The following ABCA12 variants were observed in gnomAD, a reference collection of about 807,000 sequenced individuals.
ABCA12 encodes ATP binding cassette subfamily A member 12.
A neutral mutation model predicts 293.5 loss-of-function variants in ABCA12; 156 were observed. The observed-to-expected ratio is 0.53, with a 90% CI of 0.47 to 0.61. ABCA12 has a LOEUF of 0.61. ABCA12 is among the 20% of genes least tolerant of loss of function. The pLI is 0.00. For synonymous variants in ABCA12, 1,063 were observed against 1,108.0 expected, an observed-to-expected ratio of 0.96 and a Z score of 0.81; for missense variants, 2,797 against 3,090.2, an observed-to-expected ratio of 0.91 and a Z score of 2.25.
intron 31 of ABCA12, among the ~76,000 whole-genome samples, chr2:214,980,042 T>C (rs1215117961): frequency 1.3e-5 from 2 of 152,210 alleles, no homozygotes; most frequent in Admixed American, 6.5e-5. Flanking sequence ...TGTGAACCCA[T>C]GACTTCATAT....
intron 22 of ABCA12, among the ~76,000 whole-genome samples, chr2:214,998,947 T>C (rs1700088648): frequency 6.6e-6 from 1 of 152,172 alleles, no homozygotes; most frequent in Non-Finnish European, 1.5e-5. Flanking sequence ...CCTTTTTTAA[T>C]CTACAAGACT....
chr2:215,034,680 C>T (rs1391614424), intron 8 of ABCA12, among the ~76,000 whole-genome samples: 1 of 152,192 alleles, frequency 6.6e-6, no homozygotes, highest in Non-Finnish European at 1.5e-5. Flanking sequence ...TGGCCACTTA[C>T]TGGATGAGTA....
intron 1 of ABCA12, among the ~76,000 whole-genome samples, chr2:215,114,094 C>A (rs771074265): frequency 7.9e-5 from 12 of 152,168 alleles, no homozygotes; most frequent in Non-Finnish European, 1.0e-4. Context: ...CCTGCCTCAG[C>A]CTCCAGAGTA....
At chr2:215,101,264 T>G (rs567080502) in intron 2 of ABCA12, among the ~76,000 whole-genome samples, 2 of 152,312 alleles carry the variant, frequency 1.3e-5, no homozygotes, top group East Asian at 3.9e-4. Flanking sequence ...TGATCTAAAA[T>G]TATTTTTAAG....
chr2:214,999,457 C>T (rs1410521544), intron 22 of ABCA12, among the ~76,000 whole-genome samples: 1 of 152,136 alleles, frequency 6.6e-6, no homozygotes. Context: ...CTCCTACTTA[C>T]ATTATGAGGT....
rs764800792 is a variant in ABCA12 at position 215,000,911 on chromosome 2, G to T, written c.2973C>A (p.Thr991=). 6.2e-7 allele frequency: 1 copy of T among 1,614,112 alleles called. No homozygotes were observed. Among genetic ancestry groups the T allele is most frequent in the South Asian group, 1.1e-5 (1 of 91,080 alleles). ...TTCTTAGGCTTCTTGTGGTCTGTGC[G>T]GTCTTGAGACTCATCCGGATGGTAT... ...IKYTIRMSLK[T]AQTTRSLRTK... The change falls in exon 22 of 53, where the codon ACC becomes ACA. Residue 991 remains threonine (T), a synonymous_variant. Coordinates refer to ENST00000272895, the MANE Select transcript of ABCA12 (RefSeq NM_173076.3).
intron 40 of ABCA12, 133 bp downstream of exon 40, chr2:214,958,891 A>T: frequency 2.0e-6 from 2 of 1,007,010 alleles, no homozygotes. Context: ...CTTTGATCCC[A>T]GTCAGTGACA....
At chr2:215,009,050 A>T (rs1267137239) in intron 18 of ABCA12, among the ~76,000 whole-genome samples, 1 of 152,232 alleles carries the variant, frequency 6.6e-6, no homozygotes, top group Non-Finnish European at 1.5e-5. Context: ...CCCTATTCAC[A>T]ACAGCAAAGA....
In ABCA12 at chr2:215,081,858, G is replaced by C. The variant is rs554878246; in HGVS notation, c.164-17639C>G. ...TTATTTCCCTATAAAACAATTAAGA[G>C]GATCTTGAATTCTCAGATACAAAAC... On this transcript the variant is annotated intron_variant, in intron 2 of 52. Transcript: ENST00000272895. 4.1e-4 allele frequency among the ~76,000 whole-genome samples: 62 copies of C among 152,130 alleles called. 3 individuals carry two copies. In the South Asian group the frequency reaches 0.013, roughly 32 times the overall value.
rs1010542422 is a variant in ABCA12 at position 214,942,873 on chromosome 2, C to T, written c.7436+52G>A. On this transcript the variant is annotated intron_variant, in intron 50 of 52. Transcript: ENST00000272895. ...ATAATCCTTGAATCTGAGTGAGCACCATTAGATAGATGACCCAACACTATC... is the reference window on the plus strand; with the variant it reads ...ATAATCCTTGAATCTGAGTGAGCACTATTAGATAGATGACCCAACACTATC... The T allele has an allele frequency of 1.1e-5, 16 of 1,459,886 alleles. No individual in the cohort carries two copies. The African/African-American group carries it at 2.1e-4, about 19-fold the overall frequency. The allele number at this position is 1,459,886 out of a possible 1,614,324, so 90.4% of individuals were successfully genotyped here.
chr2:215,132,201 T>A (rs1000672789), intron 1 of ABCA12, among the ~76,000 whole-genome samples: 1 of 152,118 alleles, frequency 6.6e-6, no homozygotes, highest in African/African-American at 2.4e-5. Context: ...ATGAGAAGAA[T>A]GTATATTCTG....
At chr2:215,084,084 C>T (rs968885510) in intron 2 of ABCA12, among the ~76,000 whole-genome samples, 6 of 151,970 alleles carry the variant, frequency 3.9e-5, no homozygotes, top group African/African-American at 7.2e-5. Context: ...ATCAAGTGAT[C>T]CTCTCGTCTC....
At chr2:215,076,587 T>C (rs1372969236) in intron 2 of ABCA12, among the ~76,000 whole-genome samples, 1 of 152,168 alleles carries the variant, frequency 6.6e-6, no homozygotes, top group East Asian at 1.9e-4. Flanking sequence ...AAAGCTAGTA[T>C]GGCAAGCATT....
At position 214,980,491 on chromosome 2, in the gene ABCA12, T is replaced by C. The variant is rs749155039; in HGVS notation, c.4732A>G (p.Lys1578Glu). The C allele has an allele frequency of 6.2e-7, 1 of 1,613,688 alleles. No individual in the cohort carries two copies. The highest frequency in any genetic ancestry group is 1.1e-5 in the South Asian group (1 of 91,068). Residue 1578 changes from lysine to glutamate, a missense_variant, in exon 31 of 53, where the codon AAG becomes GAG. Lys to Glu is a moderately conservative substitution (Grantham distance 56, BLOSUM62 1). This residue lies in a region of ABCA12 where 2,130 missense variants were observed against 2,427.0 expected (regional missense o/e 0.88). Coordinates refer to ENST00000272895, the MANE Select transcript of ABCA12 (RefSeq NM_173076.3). Reference protein sequence around the residue: ...FGDGYHLTLTKKKSPNLNANA... With the variant: ...FGDGYHLTLTEKKSPNLNANA... ...TTTTCTCCCATTCCTACCTTCTTCTTGGTAAGCGTGAGGTGATACCCATCG... is the reference window on the plus strand; with the variant it reads ...TTTTCTCCCATTCCTACCTTCTTCTCGGTAAGCGTGAGGTGATACCCATCG...
Position 214,955,346 on chromosome 2 carries a change from G to C in ABCA12, c.6249C>G (p.Ser2083=). ...LLLLFGYATF[S]WMYLLAGLFH... is the part of the protein sequence containing the mutation. ...AGAGCCCAGCCAGCAAGTACATCCAGGAAAATGTTGCATACCTGCAGGTTA... is the reference window on the plus strand; with the variant it reads ...AGAGCCCAGCCAGCAAGTACATCCACGAAAATGTTGCATACCTGCAGGTTA... Residue 2083 remains serine (S), a synonymous_variant, in exon 43 of 53, where the codon TCC becomes TCG. Coordinates refer to ENST00000272895, the MANE Select transcript of ABCA12 (RefSeq NM_173076.3). 6.2e-7 allele frequency: 1 copy of C among 1,614,072 alleles called. No homozygotes were observed. The highest frequency in any genetic ancestry group is 1.1e-5 in the South Asian group (1 of 91,088).
At chr2:215,082,985 T>A (rs974380782) in intron 2 of ABCA12, among the ~76,000 whole-genome samples, 2 of 152,222 alleles carry the variant, frequency 1.3e-5, no homozygotes, top group Admixed American at 6.5e-5. Flanking sequence ...TAAACAAAGT[T>A]GGAACTTGAA....
At chr2:215,017,832 T>C in intron 14 of ABCA12, 176 bp downstream of exon 14, 1 of 771,914 alleles carries the variant, frequency 1.3e-6, no homozygotes, top group South Asian at 1.8e-5. Flanking sequence ...GATAAAATTC[T>C]TGCTTCAGAA....
At chr2:214,979,330 C>G (rs780928425) in intron 31 of ABCA12, among the ~76,000 whole-genome samples, 8 of 152,034 alleles carry the variant, frequency 5.3e-5, no homozygotes, top group Non-Finnish European at 1.2e-4. Context: ...CACATCCCCT[C>G]CTCAGGGTCC....
At chr2:215,114,122 A>G (rs1402632178) in intron 1 of ABCA12, among the ~76,000 whole-genome samples, 2 of 152,030 alleles carry the variant, frequency 1.3e-5, no homozygotes. Flanking sequence ...CTACAGGCAC[A>G]TGCCACCATG....
Sources: allele counts gnomAD v4.1 joint callset (sites outside exome capture counted in the v4.1 genomes callset), GRCh38; gene constraint gnomAD v4.1.1; regional missense constraint gnomAD v4.1.1; transcripts MANE v1.5; gene names NCBI Gene and HGNC (gene_info 2026-07-23, HGNC 2026-07-21).